Variants in PRKG1 observed in about 807,000 individuals in gnomAD.
PRKG1 encodes the protein cGMP-dependent protein kinase 1.
In PRKG1, 35 loss-of-function variants were observed where a neutral mutation model predicts 88.1. The observed-to-expected ratio is 0.40, with a 90% CI of 0.30 to 0.53. The LOEUF (loss-of-function observed/expected upper bound fraction) is 0.53, where lower values mean the gene tolerates loss of function less well. Among genes scored for constraint, PRKG1 ranks in the 20% least tolerant of loss-of-function variants. PRKG1 has a pLI of 0.59. For missense variants in PRKG1, 540 were observed against 839.8 expected, an observed-to-expected ratio of 0.64 and a Z score of 4.41; for synonymous variants, 303 against 292.5, an observed-to-expected ratio of 1.04 and a Z score of -0.37.
chr10:51,393,309 C>G (rs375437880), intron 2 of PRKG1, among the ~76,000 whole-genome samples: 1 of 150,728 alleles, frequency 6.6e-6, no homozygotes, highest in African/African-American at 2.5e-5. Flanking sequence ...GGATGGCGGC[C>G]GGGAAGAGGC....
At chr10:51,885,406 C>G (rs183689801) in intron 4 of PRKG1, among the ~76,000 whole-genome samples, 28 of 152,286 alleles carry the variant, frequency 1.8e-4, no homozygotes, top group Admixed American at 7.8e-4. Flanking sequence ...TGTAATTGGC[C>G]AAAGGTTTCT....
At chr10:51,426,559 T>C (rs535649814) in intron 2 of PRKG1, among the ~76,000 whole-genome samples, 1 of 152,280 alleles carries the variant, frequency 6.6e-6, no homozygotes, top group South Asian at 2.1e-4. Context: ...AATGGATAGG[T>C]ACTAAATAGT....
chr10:51,760,434 C>T (rs1018021373), intron 3 of PRKG1, among the ~76,000 whole-genome samples: 6 of 151,762 alleles, frequency 4.0e-5, no homozygotes, highest in Non-Finnish European at 8.8e-5. Context: ...TTCCCTGTGA[C>T]CACTTATTCA....
At chr10:51,710,275 G>A (rs1216125164) in intron 3 of PRKG1, among the ~76,000 whole-genome samples, 1 of 152,090 alleles carries the variant, frequency 6.6e-6, no homozygotes, top group East Asian at 1.9e-4. Context: ...TGCATTTTTT[G>A]ATTTGTTTGA....
chr10:51,043,473 A>G (rs1433555765), intron 1 of PRKG1, among the ~76,000 whole-genome samples: 1 of 152,198 alleles, frequency 6.6e-6, no homozygotes, highest in East Asian at 1.9e-4. Flanking sequence ...ACAGTAAGCT[A>G]TAGTCATCCT....
At chr10:52,253,530 AAAC>A (rs1841233525) in intron 10 of PRKG1, 1 of 126,342 alleles carries the variant, frequency 7.9e-6, no homozygotes, top group Non-Finnish European at 1.8e-5. Flanking sequence ...GTTAGTTTAA[AAAC>A]AAAAATTTGC....
chr10:52,206,395 A>C (rs1305965963), intron 9 of PRKG1, among the ~76,000 whole-genome samples: 1 of 151,872 alleles, frequency 6.6e-6, no homozygotes, highest in East Asian at 1.9e-4. Flanking sequence ...CTATATTCTG[A>C]ATTCTATGTC....
At chr10:51,634,370 T>C (rs1373187075) in intron 3 of PRKG1, among the ~76,000 whole-genome samples, 1 of 152,120 alleles carries the variant, frequency 6.6e-6, no homozygotes, top group Non-Finnish European at 1.5e-5. Flanking sequence ...CATGAGAACA[T>C]ATAATTAGGG....
At chr10:51,682,205 A>G (rs1027503600) in intron 3 of PRKG1, among the ~76,000 whole-genome samples, 14 of 152,318 alleles carry the variant, frequency 9.2e-5, no homozygotes, top group African/African-American at 3.4e-4. Flanking sequence ...GTTTTTCCAC[A>G]TAAGATTGCC....
At chr10:51,262,843 C>T (rs75635134) in intron 2 of PRKG1, among the ~76,000 whole-genome samples, 3,388 of 152,224 alleles carry the variant, frequency 0.022, 122 homozygotes, top group African/African-American at 0.077. Flanking sequence ...ACTAAAATAA[C>T]AAGGGGGCAA....
chr10:52,152,554 G>A (rs1254711769), intron 8 of PRKG1, among the ~76,000 whole-genome samples: 1 of 152,102 alleles, frequency 6.6e-6, no homozygotes, highest in Non-Finnish European at 1.5e-5. Context: ...AAAATCTAGA[G>A]AAAGAATGTT....
At chr10:51,757,278 A>G (rs1425453120) in intron 3 of PRKG1, among the ~76,000 whole-genome samples, 3 of 151,746 alleles carry the variant, frequency 2.0e-5, no homozygotes, top group Admixed American at 6.6e-5. Context: ...ATTTTTTTGT[A>G]TTTTTAGTAG....
At chr10:51,689,084 G>A (rs767173296) in intron 3 of PRKG1, among the ~76,000 whole-genome samples, 1 of 151,970 alleles carries the variant, frequency 6.6e-6, no homozygotes, top group Admixed American at 6.6e-5. Flanking sequence ...CTTGCATTCC[G>A]CCATGCTTGT....
intron 3 of PRKG1, among the ~76,000 whole-genome samples, chr10:51,656,983 T>C (rs1382043448): frequency 6.6e-6 from 1 of 152,164 alleles, no homozygotes; most frequent in Non-Finnish European, 1.5e-5. Context: ...GAATTCTCTG[T>C]GCCTCAGTTT....
chr10:51,344,290 G>A (rs1588863800), intron 2 of PRKG1, among the ~76,000 whole-genome samples: 1 of 152,100 alleles, frequency 6.6e-6, no homozygotes, highest in African/African-American at 2.4e-5. Flanking sequence ...TATACGACCA[G>A]ATCTTGTGAG....
chr10:51,319,418 A>AT (rs1157867739), intron 2 of PRKG1, among the ~76,000 whole-genome samples: 2 of 152,140 alleles, frequency 1.3e-5, no homozygotes, highest in Non-Finnish European at 2.9e-5. Context: ...GCTTTGTGCT[A>AT]TTGTTGGGTT....
intron 1 of PRKG1, among the ~76,000 whole-genome samples, chr10:51,152,796 T>C (rs887564737): frequency 6.6e-6 from 1 of 151,998 alleles, no homozygotes; most frequent in African/African-American, 2.4e-5. Flanking sequence ...TGAAATTTTA[T>C]TCATGTTTAT....
At chr10:51,367,846 A>T (rs1842622029) in intron 2 of PRKG1, among the ~76,000 whole-genome samples, 1 of 151,964 alleles carries the variant, frequency 6.6e-6, no homozygotes, top group South Asian at 2.1e-4. Flanking sequence ...AATAAAATAG[A>T]TCTTTTCTGT....
chr10:52,014,742 A>G (rs1428421074), intron 5 of PRKG1, among the ~76,000 whole-genome samples: 2 of 152,246 alleles, frequency 1.3e-5, no homozygotes, highest in African/African-American at 4.8e-5. Context: ...GGGTACAGGC[A>G]TTGGATAAAT....
Sources: allele counts gnomAD v4.1 joint callset (sites outside exome capture counted in the v4.1 genomes callset), GRCh38; gene constraint gnomAD v4.1.1; transcripts MANE v1.5; gene names NCBI Gene and HGNC (gene_info 2026-07-23, HGNC 2026-07-21).